The following FOXO3 variants were observed in gnomAD, a reference collection of about 807,000 sequenced individuals.
The protein encoded by FOXO3 is forkhead box protein O3.
FOXO3 carries 4 observed loss-of-function variants against 41.9 expected under a neutral mutation model. The ratio of observed to expected loss-of-function variants is 0.10; its 90% confidence interval spans 0.05 to 0.22. FOXO3 has a LOEUF of 0.22. FOXO3 is among the 10% of genes least tolerant of loss of function. FOXO3 has a pLI of 1.00. For missense variants in FOXO3, 534 were observed against 906.8 expected (o/e 0.59, Z 5.28); for synonymous variants, 318 against 389.3 (o/e 0.82, Z 2.16).
chr6:108,667,872 G>A (rs1395504868), intron 2 of FOXO3, among the ~76,000 whole-genome samples: 1 of 152,132 alleles, frequency 6.6e-6, no homozygotes, highest in Non-Finnish European at 1.5e-5. Context: ...AAGGACAGTG[G>A]GGGCTGTGAG....
intron 1 of FOXO3, among the ~76,000 whole-genome samples, chr6:108,648,719 G>A (rs1778462038): frequency 6.6e-6 from 1 of 152,106 alleles, no homozygotes; most frequent in Non-Finnish European, 1.5e-5. Flanking sequence ...AAGTGGCCAG[G>A]CACAGTGGCT....
chr6:108,580,060 A>T (rs555641267), intron 1 of FOXO3, among the ~76,000 whole-genome samples: 52 of 152,220 alleles, frequency 3.4e-4, no homozygotes, highest in African/African-American at 1.2e-3. Context: ...GGTGTGATGT[A>T]TACAGTCATA....
At chr6:108,678,480 C>T (rs570080984) in intron 2 of FOXO3, among the ~76,000 whole-genome samples, 3 of 147,850 alleles carry the variant, frequency 2.0e-5, no homozygotes, top group African/African-American at 7.3e-5. Flanking sequence ...ATTAAGACAG[C>T]TCTATGAATA....
At chr6:108,566,116 C>A (rs1335072161) in intron 1 of FOXO3, among the ~76,000 whole-genome samples, 1 of 152,132 alleles carries the variant, frequency 6.6e-6, no homozygotes, top group Non-Finnish European at 1.5e-5. Flanking sequence ...ACTGTTTTTC[C>A]TCTTTTTCAA....
chr6:108,656,978 G>A (rs1778705785), intron 1 of FOXO3, among the ~76,000 whole-genome samples: 1 of 152,200 alleles, frequency 6.6e-6, no homozygotes, highest in South Asian at 2.1e-4. Context: ...CTAGGCAGCA[G>A]GACTGTGAAA....
At chr6:108,579,251 T>C (rs1473271741) in intron 1 of FOXO3, among the ~76,000 whole-genome samples, 2 of 152,168 alleles carry the variant, frequency 1.3e-5, no homozygotes, top group Non-Finnish European at 2.9e-5. Context: ...GTGCTAAGCC[T>C]CCGAGGTACA....
chr6:108,617,905 A>C (rs750683922), intron 1 of FOXO3: 21 of 403,272 alleles, frequency 5.2e-5, no homozygotes, highest in Non-Finnish European at 8.4e-5. Context: ...TGTAGTAGTC[A>C]GGGATGTATT....
At chr6:108,612,134 G>T (rs1777381980) in intron 1 of FOXO3, among the ~76,000 whole-genome samples, 2 of 151,914 alleles carry the variant, frequency 1.3e-5, no homozygotes, top group African/African-American at 4.8e-5. Context: ...ATTTCTCTCA[G>T]CAGTGTTTAT....
At chr6:108,644,994 T>G (rs1778357078) in intron 1 of FOXO3, among the ~76,000 whole-genome samples, 2 of 152,210 alleles carry the variant, frequency 1.3e-5, no homozygotes, top group East Asian at 1.9e-4. Context: ...GTATGCCTGG[T>G]GCATGGAAGG....
intron 1 of FOXO3, among the ~76,000 whole-genome samples, chr6:108,640,780 T>G (rs1028499302): frequency 4.6e-5 from 7 of 152,188 alleles, no homozygotes; most frequent in African/African-American, 1.7e-4. Context: ...CCTTTTATGT[T>G]GGGTTTTCTT....
At chr6:108,607,626 A>G (rs139603002) in intron 1 of FOXO3, among the ~76,000 whole-genome samples, 10 of 152,168 alleles carry the variant, frequency 6.6e-5, no homozygotes, top group African/African-American at 2.4e-4. Context: ...TTATGGATAC[A>G]TTCTTTTCAG....
chr6:108,595,383 T>G (rs1358707085), intron 1 of FOXO3, among the ~76,000 whole-genome samples: 2 of 152,218 alleles, frequency 1.3e-5, no homozygotes, highest in Non-Finnish European at 2.9e-5. Flanking sequence ...ATAGAAAAAG[T>G]TTGGGGCTTA....
At position 108,664,456 on chromosome 6, in the gene FOXO3, G is replaced by A. The variant is rs541598334; in HGVS notation, c.1623G>A (p.Gln541=). The change falls in exon 2 of 3, where the codon CAG becomes CAA. Residue 541 remains glutamine, a synonymous_variant. Coordinates refer to ENST00000406360, the MANE Select transcript of FOXO3 (RefSeq NM_001455.4). ...QNLLHHQHQT[Q]GALGGSRALS... ...TGCTCCACCACCAGCACCAAACCCA[G>A]GGCGCTCTTGGTGGCAGCCGTGCCT... The A allele has an allele frequency of 1.2e-6, 2 of 1,611,718 alleles. No individual in the cohort carries two copies. The highest frequency in any genetic ancestry group is 1.7e-6 in the Non-Finnish European group (2 of 1,178,400).
At chr6:108,560,639 A>AGCG (rs1423115994), upstream of FOXO3, among the ~76,000 whole-genome samples, 1 of 152,102 alleles carries the variant, frequency 6.6e-6, no homozygotes, top group East Asian at 1.9e-4. Flanking sequence ...CACAGACTTG[A>AGCG]GCGGCGGCGC....
chr6:108,645,064 C>A (rs984106231), intron 1 of FOXO3, among the ~76,000 whole-genome samples: 1 of 152,172 alleles, frequency 6.6e-6, no homozygotes, highest in Non-Finnish European at 1.5e-5. Flanking sequence ...CTTCCACCAC[C>A]ACTCTGGCCC....
At chr6:108,585,840 G>C (rs1776566874) in intron 1 of FOXO3, among the ~76,000 whole-genome samples, 1 of 152,178 alleles carries the variant, frequency 6.6e-6, no homozygotes, top group Non-Finnish European at 1.5e-5. Context: ...AAATCGCTCT[G>C]TGCTTAGAGG....
At chr6:108,651,430 TG>T (rs970386661) in intron 1 of FOXO3, among the ~76,000 whole-genome samples, 1 of 152,224 alleles carries the variant, frequency 6.6e-6, no homozygotes, top group African/African-American at 2.4e-5. Flanking sequence ...GGTGTGGGCC[TG>T]TGCGTAGCTG....
At chr6:108,643,405 C>T (rs2128380053) in intron 1 of FOXO3, among the ~76,000 whole-genome samples, 1 of 152,288 alleles carries the variant, frequency 6.6e-6, no homozygotes, top group East Asian at 1.9e-4. Context: ...TTGTTTTGAA[C>T]CTTGAGGTCA....
chr6:108,678,869 CTTTT>C (rs1156923290), intron 2 of FOXO3, among the ~76,000 whole-genome samples: 65 of 55,014 alleles, frequency 1.2e-3, no homozygotes, highest in Non-Finnish European at 2.0e-3. Context: ...TTCTTAAATT[CTTTT>C]TTTTTTTTTT....
Sources: allele counts gnomAD v4.1 joint callset (sites outside exome capture counted in the v4.1 genomes callset), GRCh38; gene constraint gnomAD v4.1.1; transcripts MANE v1.5; gene names NCBI Gene and HGNC (gene_info 2026-07-23, HGNC 2026-07-21).